Variants in SUPT5H observed in about 807,000 individuals in gnomAD.
The protein encoded by SUPT5H is transcription elongation factor SPT5.
A neutral mutation model predicts 142.5 loss-of-function variants in SUPT5H; 24 were observed. The ratio of observed to expected loss-of-function variants is 0.17; its 90% CI spans 0.12 to 0.24. The LOEUF (loss-of-function observed/expected upper bound fraction) is 0.24, where lower values mean the gene tolerates loss of function less well. Among genes scored for constraint, SUPT5H ranks in the 10% least tolerant of loss-of-function variants. The probability of loss-of-function intolerance (pLI) is 1.00; values close to 1 mark genes in which losing one functional copy is unlikely to be tolerated. For synonymous variants in SUPT5H, 546 were observed against 553.0 expected (o/e 0.99, Z 0.18); for missense variants, 893 against 1,471.8 (o/e 0.61, Z 6.43).
At chr19:39,459,479 G>A in intron 8 of SUPT5H, 80 bp from the exon 9 acceptor site, 2 of 1,556,306 alleles carry the variant, frequency 1.3e-6, no homozygotes, top group Admixed American at 1.7e-5. Flanking sequence ...ACCAGAGGAA[G>A]GGGGTGGCCC....
intron 3 of SUPT5H, among the ~76,000 whole-genome samples, chr19:39,456,628 C>T (rs1046931112): frequency 1.3e-5 from 2 of 151,984 alleles, no homozygotes; most frequent in African/African-American, 4.8e-5. Flanking sequence ...CCATGTTGGC[C>T]AGGCTGATCA....
At chr19:39,454,627 A>G (rs2079064248) in intron 3 of SUPT5H, among the ~76,000 whole-genome samples, 1 of 152,198 alleles carries the variant, frequency 6.6e-6, no homozygotes, top group Non-Finnish European at 1.5e-5. Flanking sequence ...GGCGTGAGCC[A>G]CCATGCCTGG....
rs534137798 is a variant in SUPT5H at position 39,466,166 on chromosome 19, G to A, written c.877-314G>A. 6.6e-6 allele frequency among the ~76,000 whole-genome samples: 1 copy of A among 152,266 alleles called. No individual in the cohort carries two copies. Among genetic ancestry groups the A allele is most frequent in the East Asian group, 1.9e-4 (1 of 5,174 alleles). ...CAAAGGAGTCAAGAGTGGCTCCCAG[G>A]TTGTGTGCCTGAGCAGAGGGAAGAA... On this transcript the variant is annotated intron_variant, in intron 11 of 29. Coordinates refer to ENST00000432763, the MANE Select transcript of SUPT5H (RefSeq NM_001111020.3). This position sits in a 1 kb window ranked among gnomAD's most constrained non-coding sequence, Gnocchi z 4.3.
chr19:39,458,674 A>C lies in SUPT5H; in HGVS notation c.320-144A>C. The C allele has an allele frequency of 1.3e-6, 1 of 793,982 alleles. No individual in the cohort carries two copies. The highest frequency in any genetic ancestry group is 2.0e-6 in the Non-Finnish European group (1 of 500,722). 49.2% of individuals were successfully genotyped at this position (793,982 alleles called of 1,614,324 possible). A position where few individuals can be genotyped will look rare whatever the true frequency, so the allele number is the denominator to read the frequency against. On this transcript the variant is annotated intron_variant, in intron 5 of 29. Coordinates refer to ENST00000432763, the MANE Select transcript of SUPT5H (RefSeq NM_001111020.3). This position sits in a 1 kb window ranked among gnomAD's most constrained non-coding sequence, Gnocchi z 4.2. ...GATGCTGAGTAGGACAGAGTAGGGGATGAGGGGTTGGGATTTCCTCTGTGA... is the reference window on the plus strand; with the variant it reads ...GATGCTGAGTAGGACAGAGTAGGGGCTGAGGGGTTGGGATTTCCTCTGTGA...
At position 39,458,234 on chromosome 19, in the gene SUPT5H, A is replaced by ACCCC; in HGVS notation, c.308-58_308-57insCCCC. On this transcript the variant is annotated intron_variant, in intron 4 of 29. Transcript: ENST00000432763. This position sits in a 1 kb window ranked among gnomAD's most constrained non-coding sequence, Gnocchi z 4.2. ...GCTCATACTTTGTCTGCCCTCGCCC[A>ACCCC]CCACCACCACCACCACCACCACCAC... 3.6e-6 allele frequency: 1 copy of ACCCC among 279,848 alleles called. No individual in the cohort carries two copies. The highest frequency in any genetic ancestry group is 4.2e-6 in the Non-Finnish European group (1 of 240,302). 17.3% of individuals were successfully genotyped at this position (279,848 alleles called of 1,614,324 possible).
Position 39,469,382 on chromosome 19 carries a change from A to G in SUPT5H, c.1358A>G (p.Lys453Arg). Residue 453 changes from lysine (K) to arginine (R), a missense_variant, in exon 16 of 30, where the codon AAG becomes AGG. By Grantham distance (26) the Lys-to-Arg change is conservative. Around this residue, in one of 6 missense-constraint regions of SUPT5H, gnomAD observed 428 missense variants for 763.5 expected, o/e 0.56. Transcript: ENST00000432763. This position sits in a 1 kb window ranked among gnomAD's most constrained non-coding sequence, Gnocchi z 5.1. ...GGCAACAAGATCACCATCATGCCCAAGCATGAGGACCTCAAGGTGGGTGCC... is the reference window on the plus strand; with the variant it reads ...GGCAACAAGATCACCATCATGCCCAGGCATGAGGACCTCAAGGTGGGTGCC... Reference protein sequence around the residue: ...VDGNKITIMPKHEDLKDMLEF... With the variant: ...VDGNKITIMPRHEDLKDMLEF... 1.2e-6 allele frequency: 2 copies of G among 1,614,256 alleles called. No homozygotes were observed.
intron 18 of SUPT5H, among the ~76,000 whole-genome samples, chr19:39,471,090 T>C (rs1322388454): frequency 6.6e-6 from 1 of 152,168 alleles, no homozygotes. Context: ...TATCAGCCCC[T>C]TCTTCCATCT....
intron 28 of SUPT5H, chr19:39,475,845 T>G: frequency 1.8e-6 from 1 of 551,964 alleles, no homozygotes. Flanking sequence ...CAAGAAGCAG[T>G]CTCCTTTTTG....
chr19:39,462,635 AT>A (rs1419276198), intron 10 of SUPT5H, among the ~76,000 whole-genome samples: 1 of 151,914 alleles, frequency 6.6e-6, no homozygotes, highest in Non-Finnish European at 1.5e-5. Context: ...GGCTCAACTG[AT>A]TCTCCTGTCT....
chr19:39,447,171 C>A (rs1323349865), intron 2 of SUPT5H, among the ~76,000 whole-genome samples: 2 of 152,054 alleles, frequency 1.3e-5, no homozygotes, highest in African/African-American at 4.8e-5. Context: ...TCCCCACCAC[C>A]CCCTAAAAAA....
At chr19:39,463,369 A>G (rs769909674) in intron 10 of SUPT5H, among the ~76,000 whole-genome samples, 8 of 152,052 alleles carry the variant, frequency 5.3e-5, no homozygotes, top group East Asian at 1.9e-4. Context: ...TTCAAATCTC[A>G]TAAGTTTTGG....
Position 39,466,459 on chromosome 19 carries a change from C to G in SUPT5H, c.877-21C>G, listed in dbSNP as rs775097934. 2 of 1,612,162 alleles carry G rather than the reference C, an allele frequency of 1.2e-6. No homozygotes were observed. The highest frequency in any genetic ancestry group is 1.9e-4 in the Middle Eastern group (1 of 5,384). ...AGGGAGGAGAGTGGGGCCCTGCTGA[C>G]CTTCTGCTCGCCCTGCTCAGGTGGA... is the stretch of plus-strand genomic sequence containing the variant. On this transcript the variant is annotated intron_variant, in intron 11 of 29. Transcript: ENST00000432763. The surrounding 1 kb of genome is among the most constrained non-coding windows in gnomAD (Gnocchi z 4.3).
At chr19:39,471,560 T>C (rs1160807111) in intron 19 of SUPT5H, 45 bp from the exon 20 acceptor site, 25 of 1,613,616 alleles carry the variant, frequency 1.5e-5, no homozygotes, top group Non-Finnish European at 2.0e-5. Flanking sequence ...TGGTTGGGGG[T>C]GAGGGGGACA....
At chr19:39,462,693 G>A (rs1240701121) in intron 10 of SUPT5H, among the ~76,000 whole-genome samples, 1 of 151,738 alleles carries the variant, frequency 6.6e-6, no homozygotes, top group African/African-American at 2.4e-5. Flanking sequence ...ACCACGCCTG[G>A]CTAATTTTTG....
At chr19:39,450,355 A>G (rs1422562715) in intron 2 of SUPT5H, among the ~76,000 whole-genome samples, 4 of 151,956 alleles carry the variant, frequency 2.6e-5, no homozygotes, top group Admixed American at 6.6e-5. Flanking sequence ...GGCTCACTGC[A>G]ACCTCTTCCT....
Position 39,472,565 on chromosome 19 carries a change from A to G in SUPT5H, c.2035+72A>G, listed in dbSNP as rs1302884515. ...GAAGGAACTTGGTTGTTCAGCCTACACTCACTGAGTGCCTGTGCTGGGCTG... is the reference window on the plus strand; with the variant it reads ...GAAGGAACTTGGTTGTTCAGCCTACGCTCACTGAGTGCCTGTGCTGGGCTG... On this transcript the variant is annotated intron_variant, in intron 21 of 29. Transcript: ENST00000432763. This position sits in a 1 kb window ranked among gnomAD's most constrained non-coding sequence, Gnocchi z 4.2. 1.3e-6 allele frequency: 2 copies of G among 1,546,296 alleles called. No individual in the cohort carries two copies. Among genetic ancestry groups the G allele is most frequent in the East Asian group, 2.3e-5 (1 of 44,150 alleles).
Position 39,474,067 on chromosome 19 carries a change from C to T in SUPT5H, c.2597C>T (p.Ser866Leu), listed in dbSNP as rs1568434224. ...NPQTPGYPDP[S>L]SPQVNPQYNP... ...CAAACACCTGGCTACCCAGACCCCT[C>T]GTCCCCACAGGTCAACCCACAATAC... The change falls in exon 26 of 30, where the codon TCG (serine) becomes TTG (leucine). Residue 866 changes from serine to leucine, a missense_variant. Around this residue, in one of 6 missense-constraint regions of SUPT5H, gnomAD observed 336 missense variants for 546.5 expected, o/e 0.61. Transcript: ENST00000432763. This position sits in a 1 kb window ranked among gnomAD's most constrained non-coding sequence, Gnocchi z 6.5. The T allele has an allele frequency of 3.7e-6, 6 of 1,609,560 alleles. No homozygotes were observed. The highest frequency in any genetic ancestry group is 2.2e-5 in the East Asian group (1 of 44,870).
In SUPT5H at chr19:39,461,425, G is replaced by C. The variant is rs1054126462; in HGVS notation, c.624+1465G>C. 4.6e-5 allele frequency among the ~76,000 whole-genome samples: 7 copies of C among 152,254 alleles called. 1 individual carries two copies. The South Asian group carries it at 1.5e-3, about 32-fold the overall frequency. On this transcript the variant is annotated intron_variant, in intron 10 of 29. Coordinates refer to ENST00000432763, the MANE Select transcript of SUPT5H (RefSeq NM_001111020.3). Reference sequence around the variant, plus strand: ...AAAAGGTACCTTTTGGCTAGGTGTGGTGGCTAATGTCTGTAATACCAGTAT... The same window carrying C: ...AAAAGGTACCTTTTGGCTAGGTGTGCTGGCTAATGTCTGTAATACCAGTAT...
At position 39,471,397 on chromosome 19, in the gene SUPT5H, A is replaced by G. The variant is rs1162794182; in HGVS notation, c.1718A>G (p.Gln573Arg). ...MYGKVVTVRH[Q>R]AVTRKKDNRF... ...GGGAAGGTGGTGACTGTCAGACATCAGGCTGTGACCCGGAAGAAGGACAAC... is the reference window on the plus strand; with the variant it reads ...GGGAAGGTGGTGACTGTCAGACATCGGGCTGTGACCCGGAAGAAGGACAAC... Residue 573 changes from glutamine to arginine, a missense_variant, in exon 19 of 30, where the codon CAG becomes CGG. By Grantham distance (43) the Gln-to-Arg change is conservative. Around this residue, in one of 6 missense-constraint regions of SUPT5H, gnomAD observed 428 missense variants for 763.5 expected, o/e 0.56. Coordinates refer to ENST00000432763, the MANE Select transcript of SUPT5H (RefSeq NM_001111020.3). 1 of 1,614,242 alleles carries G rather than the reference A, an allele frequency of 6.2e-7. No individual in the cohort carries two copies. Among genetic ancestry groups the G allele is most frequent in the South Asian group, 1.1e-5 (1 of 91,086 alleles).
Sources: gnomAD v4.1 joint callset for allele counts (sites outside exome capture counted in the v4.1 genomes callset) on GRCh38, gnomAD v4.1.1 for gene constraint, gnomAD v4.1.1 regional missense constraint, Gnocchi (gnomAD v3.1) non-coding constraint, MANE v1.5 for transcripts, NCBI Gene and HGNC (gene_info 2026-07-23, HGNC 2026-07-21) for gene names.